The following BBS7 variants were observed in gnomAD, a reference collection of about 807,000 sequenced individuals.
BBS7 encodes the protein BBSome complex member BBS7.
A neutral mutation model predicts 90.3 loss-of-function variants in BBS7; 50 were observed. The observed-to-expected ratio is 0.55, with a 90% CI of 0.44 to 0.70. The LOEUF (loss-of-function observed/expected upper bound fraction) is 0.70, where lower values mean the gene tolerates loss of function less well. Among genes scored for constraint, BBS7 ranks in the 30% least tolerant of loss-of-function variants. The pLI is 0.00. For synonymous variants in BBS7, 235 were observed against 287.4 expected, an observed-to-expected ratio of 0.82 and a Z score of 1.85; for missense variants, 729 against 838.9, an observed-to-expected ratio of 0.87 and a Z score of 1.62.
rs1484511643 is a variant in BBS7 at position 121,835,167 on chromosome 4, T to C, written c.1488A>G (p.Arg496=). Reference sequence around the variant, plus strand: ...ACCTGTCATGATCAATAAAGTGAGTTCTTTGATGGAGTGAAAGAGGTTTGA... The same window carrying C: ...ACCTGTCATGATCAATAAAGTGAGTCCTTTGATGGAGTGAAAGAGGTTTGA... ...YHIKPLSLHQ[R]THFIDHDRPM... Residue 496 remains arginine (R), a synonymous_variant, in exon 14 of 19, where the codon AGA becomes AGG. Transcript: ENST00000264499. The C allele has an allele frequency of 1.4e-5, 22 of 1,613,940 alleles. No homozygotes were observed. Among genetic ancestry groups the C allele is most frequent in the Non-Finnish European group, 1.5e-5 (18 of 1,179,850 alleles).
rs146285440 is a variant in BBS7, at chr4:121,852,920, A to G, written c.849+36T>C. 7 of 1,601,448 alleles carry G rather than the reference A, an allele frequency of 4.4e-6. No individual in the cohort carries two copies. In the African/African-American group the frequency reaches 8.0e-5, roughly 18 times the overall value. On this transcript the variant is annotated intron_variant, in intron 8 of 18. Coordinates refer to ENST00000264499, the MANE Select transcript of BBS7 (RefSeq NM_176824.3). ...TCTGTCATCTCTATAATAATTTGAC[A>G]AATAATAAGCATATAGTCTTTTTTA...
chr4:121,840,245 CTT>C (rs1725670683), intron 12 of BBS7, among the ~76,000 whole-genome samples: 1 of 152,206 alleles, frequency 6.6e-6, no homozygotes, highest in Non-Finnish European at 1.5e-5. Context: ...CTCATTTTCT[CTT>C]GTCTGCCGCC....
intron 15 of BBS7, among the ~76,000 whole-genome samples, chr4:121,830,763 C>T (rs1294761864): frequency 3.3e-5 from 5 of 152,206 alleles, no homozygotes; most frequent in African/African-American, 1.2e-4. Context: ...CCTCCATACA[C>T]ATATATTTTA....
At chr4:121,861,892 T>C (rs1446458288) in intron 3 of BBS7, among the ~76,000 whole-genome samples, 1 of 152,220 alleles carries the variant, frequency 6.6e-6, no homozygotes, top group Non-Finnish European at 1.5e-5. Context: ...CATATTTGAA[T>C]GATGTCATTG....
chr4:121,855,415 C>G (rs908374630), intron 6 of BBS7, 74 bp downstream of exon 6: 6 of 1,350,262 alleles, frequency 4.4e-6, no homozygotes, highest in Non-Finnish European at 6.4e-6. Flanking sequence ...TAGTTTATGT[C>G]CTTTCTACAA....
chr4:121,848,911 G>A lies in BBS7; in HGVS notation c.867C>T (p.Val289=), dbSNP rs753283401. 9.9e-6 allele frequency: 16 copies of A among 1,613,682 alleles called. No individual in the cohort carries two copies. Among genetic ancestry groups the A allele is most frequent in the Non-Finnish European group, 1.3e-5 (15 of 1,179,960 alleles). ...LRFDQMLSES[V]TSIQGGCVGK... is the part of the protein sequence containing the mutation. ...CTACACAACCACCCTGGATAGATGT[G>A]ACGCTTTCAGACAACATCTAAAAAA... The change falls in exon 9 of 19, where the codon GTC becomes GTT. Residue 289 remains valine (V), a synonymous_variant. Transcript: ENST00000264499.
At chr4:121,832,010 AC>A (rs2149052542) in intron 15 of BBS7, among the ~76,000 whole-genome samples, 2 of 22,896 alleles carry the variant, frequency 8.7e-5, no homozygotes, top group Non-Finnish European at 1.4e-4. Flanking sequence ...AAAAACAAAA[AC>A]ACACACACAC....
chr4:121,858,928 CATA>C, intron 5 of BBS7, 61 bp downstream of exon 5: 1 of 1,458,948 alleles, frequency 6.9e-7, no homozygotes, highest in Admixed American at 1.7e-5. Flanking sequence ...ATCTCAAGTA[CATA>C]ATGTTCATTG....
At chr4:121,857,829 T>C (rs1726764865) in intron 5 of BBS7, among the ~76,000 whole-genome samples, 1 of 111,480 alleles carries the variant, frequency 9.0e-6, no homozygotes, top group Admixed American at 1.0e-4. Context: ...TTTTTTGAGA[T>C]GGAGTCTCCC....
chr4:121,842,442 C>T (rs1725792729), intron 12 of BBS7, among the ~76,000 whole-genome samples: 1 of 150,972 alleles, frequency 6.6e-6, no homozygotes, highest in African/African-American at 2.4e-5. Context: ...TGAGACCAGC[C>T]TGGGCAACAT....
At chr4:121,860,283 CTA>C (rs1411666984) in intron 4 of BBS7, among the ~76,000 whole-genome samples, 1 of 152,038 alleles carries the variant, frequency 6.6e-6, no homozygotes, top group African/African-American at 2.4e-5. Context: ...TTAGCAATCT[CTA>C]TTGTTGACAT....
chr4:121,829,192 T>G (rs1486967492), intron 15 of BBS7, among the ~76,000 whole-genome samples: 1 of 152,068 alleles, frequency 6.6e-6, no homozygotes. Flanking sequence ...TTTTTCATGC[T>G]CAGCATCCAA....
At position 121,845,729 on chromosome 4, in the gene BBS7, T is replaced by A. The variant is rs767661398; in HGVS notation, c.1038-33A>T. ...AAAACACATACAAATTTGTCAAATA[T>A]AAGTATAAACATTTGAGGTCGTTAG... On this transcript the variant is annotated intron_variant, in intron 10 of 18. Coordinates refer to ENST00000264499, the MANE Select transcript of BBS7 (RefSeq NM_176824.3). 11 of 1,569,974 alleles carry A rather than the reference T, an allele frequency of 7.0e-6. No homozygotes were observed. In the East Asian group the frequency reaches 1.8e-4, roughly 26 times the overall value.
At chr4:121,864,765 C>T (rs1280656469) in intron 2 of BBS7, among the ~76,000 whole-genome samples, 1 of 151,868 alleles carries the variant, frequency 6.6e-6, no homozygotes, top group Non-Finnish European at 1.5e-5. Context: ...TTATTTTATT[C>T]ATTTATTTTT....
intron 13 of BBS7, among the ~76,000 whole-genome samples, chr4:121,839,247 T>A (rs904699323): frequency 9.9e-5 from 15 of 151,936 alleles, no homozygotes; most frequent in Admixed American, 7.2e-4. Context: ...TTGAAAAAAA[T>A]TTTTCAGTTA....
intron 3 of BBS7, among the ~76,000 whole-genome samples, 185 bp downstream of exon 3, chr4:121,863,032 G>A (rs1259097824): frequency 6.6e-6 from 1 of 152,104 alleles, no homozygotes; most frequent in Non-Finnish European, 1.5e-5. Context: ...GATGCCAAAG[G>A]TGCCTTACAA....
At chr4:121,863,380 T>A in intron 2 of BBS7, 101 bp from the exon 3 acceptor site, 2 of 1,017,792 alleles carry the variant, frequency 2.0e-6, no homozygotes, top group Non-Finnish European at 2.9e-6. Context: ...AATACTGACT[T>A]AATAGAGATC....
At position 121,852,955 on chromosome 4, in the gene BBS7, C is replaced by T. The variant is rs763719688; in HGVS notation, c.849+1G>A. The T allele has an allele frequency of 1.2e-6, 2 of 1,613,340 alleles. No homozygotes were observed. The highest frequency in any genetic ancestry group is 1.7e-5 in the Admixed American group (1 of 59,972). On this transcript the variant is annotated splice_donor_variant, in intron 8 of 18. Coordinates refer to ENST00000264499, the MANE Select transcript of BBS7 (RefSeq NM_176824.3). LOFTEE classifies it high-confidence loss of function. ...CATATAGTCTTTTTTAATGAACTTA[C>T]CTGATCAAATCGTAGAACAGGTTCA...
intron 10 of BBS7, 98 bp from the exon 11 acceptor site, chr4:121,845,794 G>A (rs1725985260): frequency 8.4e-7 from 1 of 1,192,454 alleles, no homozygotes; most frequent in African/African-American, 1.5e-5. Context: ...TTTACAAAAT[G>A]GGTTTTTATT....
Sources: allele counts gnomAD v4.1 joint callset (sites outside exome capture counted in the v4.1 genomes callset), GRCh38; gene constraint gnomAD v4.1.1; transcripts MANE v1.5; gene names NCBI Gene and HGNC (gene_info 2026-07-23, HGNC 2026-07-21).